The following MED16 variants were observed in gnomAD, a reference collection of about 807,000 sequenced individuals.
The protein encoded by MED16 is mediator of RNA polymerase II transcription subunit 16.
Under a neutral mutation model 84.4 loss-of-function variants are expected in MED16, and 81 were observed. That is an observed-to-expected ratio of 0.96 (90% confidence interval 0.80 to 1.15). The LOEUF is 1.15. MED16 is among the 50% of genes most tolerant of loss of function. The probability of loss-of-function intolerance (pLI) is 0.00; values close to 1 mark genes in which losing one functional copy is unlikely to be tolerated. For synonymous variants in MED16, 897 were observed against 552.2 expected (o/e 1.62, Z -8.76); for missense variants, 1,585 against 1,245.9 (o/e 1.27, Z -4.10).
chr19:875,432 G>T lies in MED16; in HGVS notation c.1583C>A (p.Ala528Asp), dbSNP rs777921128. Reference sequence around the variant, plus strand: ...CAGCTTGCAGAGCGAGGCCTTCATGGCCAGGATCCGGGTGGAGAGGACCTG... The same window carrying T: ...CAGCTTGCAGAGCGAGGCCTTCATGTCCAGGATCCGGGTGGAGAGGACCTG... The part of the protein sequence containing the change: ...LQQVLSTRIL[A>D]MKASLCKLSP... The change falls in exon 10 of 16, where the codon GCC becomes GAC. Residue 528 changes from alanine (A) to aspartate (D), a missense_variant. Transcript: ENST00000325464. 2 of 1,603,816 alleles carry T rather than the reference G, an allele frequency of 1.2e-6. No homozygotes were observed. The highest frequency in any genetic ancestry group is 1.7e-6 in the Non-Finnish European group (2 of 1,179,624).
intron 10 of MED16, among the ~76,000 whole-genome samples, chr19:874,206 C>CTG (rs2036173429): frequency 1.3e-5 from 2 of 152,100 alleles, no homozygotes; most frequent in Non-Finnish European, 2.9e-5. Flanking sequence ...CTCCGCCTCC[C>CTG]GGGTTCACGC....
chr19:884,773 G>C (rs951421425), intron 6 of MED16, 130 bp downstream of exon 6: 2 of 685,022 alleles, frequency 2.9e-6, no homozygotes, highest in Non-Finnish European at 5.1e-6. Context: ...ACTGGAGATC[G>C]AGGCGAGACG....
At position 871,952 on chromosome 19, in the gene MED16, C is replaced by G; in HGVS notation, c.2072G>C (p.Arg691Pro). The change falls in exon 12 of 16, where the codon CGC becomes CCC. Residue 691 changes from arginine (R) to proline (P), a missense_variant. By Grantham distance (103) the Arg-to-Pro change is moderately radical (BLOSUM62 -2). Coordinates refer to ENST00000325464, the MANE Select transcript of MED16 (RefSeq NM_005481.3). ...GCAGATCCAGAGCTTGGTGAGCAGG[C>G]GGAAGAGCAGGGACATGCTGTCCTG... ...DTQDSMSLLFRLLTKLWICCR... is the reference protein window; with the variant it reads ...DTQDSMSLLFPLLTKLWICCR... 1.9e-6 allele frequency: 3 copies of G among 1,592,954 alleles called. No homozygotes were observed. The South Asian group carries it at 3.3e-5, about 18-fold the overall frequency.
rs150974778 is a variant in MED16, at chr19:875,386, G to A, written c.1629C>T (p.Arg543=). 3.2e-5 allele frequency: 51 copies of A among 1,609,078 alleles called. No individual in the cohort carries two copies. In the African/African-American group the frequency reaches 3.6e-4, roughly 11 times the overall value. The change falls in exon 10 of 16, where the codon CGC becomes CGT. Residue 543 remains arginine (R), a synonymous_variant. Coordinates refer to ENST00000325464, the MANE Select transcript of MED16 (RefSeq NM_005481.3). The stretch of plus-strand genomic sequence containing the variant: ...AGAGCTTGGTGTGGTAGTCGCACAC[G>A]CGGGTCACCGTGCAGGGCGACAGCT... ...LCKLSPCTVT[R]VCDYHTKLFL...
chr19:873,279 G>C (rs1485084091), intron 11 of MED16, among the ~76,000 whole-genome samples, 170 bp downstream of exon 11: 1 of 139,588 alleles, frequency 7.2e-6, no homozygotes, highest in African/African-American at 2.6e-5. Flanking sequence ...GCTGAGGTGG[G>C]ACTCCAAGCA....
Position 875,422 on chromosome 19 carries a change from G to C in MED16, c.1593C>G (p.Ala531=). 2.5e-6 allele frequency: 4 copies of C among 1,605,204 alleles called. No homozygotes were observed. The highest frequency in any genetic ancestry group is 1.3e-5 in the African/African-American group (1 of 75,004). Residue 531 remains alanine (A), a synonymous_variant, in exon 10 of 16, where the codon GCC becomes GCG. Coordinates refer to ENST00000325464, the MANE Select transcript of MED16 (RefSeq NM_005481.3). ...TGCAGGGCGACAGCTTGCAGAGCGA[G>C]GCCTTCATGGCCAGGATCCGGGTGG... ...VLSTRILAMK[A]SLCKLSPCTV...
chr19:876,743 G>A (rs953046159), intron 9 of MED16, among the ~76,000 whole-genome samples: 4 of 152,112 alleles, frequency 2.6e-5, no homozygotes, highest in Admixed American at 2.0e-4. Flanking sequence ...TCTGCCGTGG[G>A]GACCTCTACA....
intron 2 of MED16, 25 bp downstream of exon 2, chr19:890,938 G>A: frequency 6.2e-7 from 1 of 1,607,340 alleles, no homozygotes; most frequent in Non-Finnish European, 8.5e-7. Flanking sequence ...GGCCGGGAGG[G>A]GAAGCAGGTG....
intron 2 of MED16, among the ~76,000 whole-genome samples, chr19:890,741 C>T (rs534834461): frequency 2.4e-4 from 36 of 152,336 alleles, no homozygotes; most frequent in Middle Eastern, 3.4e-3. Context: ...ATCCCGCACA[C>T]GGGGCGATCT....
chr19:870,485 C>T (rs552836083), intron 13 of MED16, among the ~76,000 whole-genome samples: 23 of 151,344 alleles, frequency 1.5e-4, no homozygotes, highest in African/African-American at 5.3e-4. Context: ...CATTTGAACC[C>T]GAGAGGCAGA....
chr19:871,625 C>T (rs780707693), intron 12 of MED16: 14 of 1,595,240 alleles, frequency 8.8e-6, no homozygotes, highest in Admixed American at 6.7e-5. Flanking sequence ...GCTGCCATCC[C>T]AAAAGCACCC....
chr19:876,633 G>A (rs1439630357), intron 9 of MED16, among the ~76,000 whole-genome samples: 1 of 151,948 alleles, frequency 6.6e-6, no homozygotes, highest in Non-Finnish European at 1.5e-5. Flanking sequence ...CCCACACGCA[G>A]CCTCACCTGC....
chr19:889,601 C>A, intron 4 of MED16, 37 bp downstream of exon 4: 1 of 1,580,006 alleles, frequency 6.3e-7, no homozygotes, highest in Non-Finnish European at 8.6e-7. Flanking sequence ...GGTGACATCT[C>A]ATCTGCCTCA....
Position 868,074 on chromosome 19 carries a change from C to G in MED16, c.*27G>C, listed in dbSNP as rs1279157336. 1 of 1,584,276 alleles carries G rather than the reference C, an allele frequency of 6.3e-7. No individual in the cohort carries two copies. Among genetic ancestry groups the G allele is most frequent in the East Asian group, 2.2e-5 (1 of 44,686 alleles). ...CGAGGAGACGCCCGAGCCGGGTCAC[C>G]ACAAGGTCCGCCTGGACCCCCGGCC... On this transcript the variant is annotated 3_prime_UTR_variant, in exon 16 of 16. Transcript: ENST00000325464.
intron 6 of MED16, among the ~76,000 whole-genome samples, chr19:883,880 G>C (rs1034723218): frequency 1.3e-5 from 2 of 152,088 alleles, no homozygotes; most frequent in Non-Finnish European, 2.9e-5. Context: ...GGGACCGGGC[G>C]AAGGAACGAG....
intron 8 of MED16, among the ~76,000 whole-genome samples, 167 bp downstream of exon 8, chr19:879,770 C>A (rs868483259): frequency 1.1e-3 from 122 of 113,546 alleles, no homozygotes; most frequent in Middle Eastern, 0.01. Flanking sequence ...CCAGCCCCAG[C>A]CCCACGTGCC....
chr19:886,049 C>T lies in MED16; in HGVS notation c.600G>A (p.Leu200=). ...VSLLKPSGQV[L]TSTESLCRLR... ...GCCGGCACAGGCTCTCGGTGGACGT[C>T]AGCACCTGCCCGCTGGGCTTCAGCA... Residue 200 remains leucine (L), a synonymous_variant, in exon 5 of 16, where the codon CTG becomes CTA. Transcript: ENST00000325464. 6.3e-7 allele frequency: 1 copy of T among 1,596,840 alleles called. No homozygotes were observed. Among genetic ancestry groups the T allele is most frequent in the South Asian group, 1.1e-5 (1 of 90,674 alleles).
chr19:871,304 C>A (rs947151572), intron 12 of MED16, 51 bp from the exon 13 acceptor site: 2 of 1,490,650 alleles, frequency 1.3e-6, no homozygotes, highest in Middle Eastern at 1.8e-4. Flanking sequence ...GGGCACCGCC[C>A]GGCCACCCGG....
Position 868,932 on chromosome 19 carries a change from G to A in MED16, c.2330C>T (p.Pro777Leu), listed in dbSNP as rs915751360. The A allele has an allele frequency of 1.4e-5, 22 of 1,544,258 alleles. No homozygotes were observed. Among genetic ancestry groups the A allele is most frequent in the Non-Finnish European group, 1.9e-5 (22 of 1,151,358 alleles). Residue 777 changes from proline to leucine, a missense_variant, in exon 14 of 16, where the codon CCC becomes CTC. Coordinates refer to ENST00000325464, the MANE Select transcript of MED16 (RefSeq NM_005481.3). ...LDGLARAPGQ[P>L]KIDHLRRLHL... ...CAGCCTCCGCAGGTGGTCGATCTTG[G>A]GCTGGCCTGGGGCCCTGGCGGGAGA...
Sources: allele counts gnomAD v4.1 joint callset (sites outside exome capture counted in the v4.1 genomes callset), GRCh38; gene constraint gnomAD v4.1.1; transcripts MANE v1.5; gene names NCBI Gene and HGNC (gene_info 2026-07-23, HGNC 2026-07-21).